The following AXDND1 variants were observed in gnomAD, a reference collection of about 807,000 sequenced individuals.
AXDND1 encodes axonemal dynein light chain domain containing 1.
AXDND1 carries 110 observed loss-of-function variants against 137.5 expected under a neutral mutation model. The ratio of observed to expected loss-of-function variants is 0.80; its 90% confidence interval spans 0.69 to 0.94. The LOEUF (loss-of-function observed/expected upper bound fraction) is 0.94, where lower values mean the gene tolerates loss of function less well. Among genes scored for constraint, AXDND1 ranks in the 40% least tolerant of loss-of-function variants. AXDND1 has a pLI of 0.00. For missense variants in AXDND1, 1,191 were observed against 1,169.8 expected (o/e 1.02, Z -0.26); for synonymous variants, 414 against 399.7 (o/e 1.04, Z -0.43).
At chr1:179,386,601 T>C (rs939354217) in intron 9 of AXDND1, among the ~76,000 whole-genome samples, 17 of 152,230 alleles carry the variant, frequency 1.1e-4, no homozygotes, top group Admixed American at 5.9e-4. Flanking sequence ...ACTAATGTTA[T>C]ACACATTTTT....
chr1:179,435,555 T>A (rs1658023737), intron 15 of AXDND1, among the ~76,000 whole-genome samples: 1 of 152,136 alleles, frequency 6.6e-6, no homozygotes, highest in South Asian at 2.1e-4. Context: ...TCTACAACCA[T>A]CTGATATTTG....
At chr1:179,526,278 G>A (rs951590161) in intron 22 of AXDND1, among the ~76,000 whole-genome samples, 10 of 151,838 alleles carry the variant, frequency 6.6e-5, no homozygotes, top group African/African-American at 2.2e-4. Context: ...ATAATAATAC[G>A]ATGATTACCA....
chr1:179,403,491 G>A (rs1209122518), intron 11 of AXDND1, among the ~76,000 whole-genome samples: 2 of 152,340 alleles, frequency 1.3e-5, no homozygotes, highest in Non-Finnish European at 1.5e-5. Context: ...TGGAAATTAC[G>A]TGAAAACTGG....
At chr1:179,535,119 C>A in intron 25 of AXDND1, 157 bp downstream of exon 25, 1 of 1,098,030 alleles carries the variant, frequency 9.1e-7, no homozygotes, top group Non-Finnish European at 1.3e-6. Flanking sequence ...ACATAACCAT[C>A]TTATTCGGAC....
At chr1:179,437,392 A>G (rs978436671) in intron 15 of AXDND1, among the ~76,000 whole-genome samples, 7 of 152,200 alleles carry the variant, frequency 4.6e-5, no homozygotes, top group East Asian at 1.9e-4. Context: ...TAGATTTCTC[A>G]GTAGGTAACT....
intron 12 of AXDND1, among the ~76,000 whole-genome samples, chr1:179,417,099 A>G (rs1344569445): frequency 1.3e-5 from 2 of 150,556 alleles, no homozygotes; most frequent in Non-Finnish European, 3.0e-5. Context: ...GATGTTGAGC[A>G]TTTTTTCACA....
chr1:179,395,317 T>G (rs936170012), intron 11 of AXDND1, 115 bp downstream of exon 11: 2 of 736,552 alleles, frequency 2.7e-6, no homozygotes, highest in Non-Finnish European at 4.3e-6. Context: ...CACATATAGA[T>G]AGCTTACTTT....
chr1:179,492,705 G>A, intron 19 of AXDND1, 150 bp from the exon 20 acceptor site: 2 of 531,946 alleles, frequency 3.8e-6, no homozygotes, highest in South Asian at 5.5e-5. Flanking sequence ...TATTCTCCTT[G>A]GTGAGTCAGT....
chr1:179,492,428 C>G (rs1253573113), intron 19 of AXDND1, among the ~76,000 whole-genome samples: 4 of 121,002 alleles, frequency 3.3e-5, no homozygotes, highest in African/African-American at 1.2e-4. Flanking sequence ...CTTCTTTTTA[C>G]AAAATGGAAG....
intron 16 of AXDND1, among the ~76,000 whole-genome samples, chr1:179,466,421 G>C (rs1049178520): frequency 6.6e-6 from 1 of 150,942 alleles, no homozygotes; most frequent in Non-Finnish European, 1.5e-5. Context: ...CACTGCGCTG[G>C]GCCTTAATGG....
At position 179,525,342 on chromosome 1, in the gene AXDND1, A is replaced by T. The variant is rs771647989; in HGVS notation, c.2505A>T (p.Val835=). The T allele has an allele frequency of 6.2e-7, 1 of 1,610,768 alleles. No homozygotes were observed. The highest frequency in any genetic ancestry group is 2.2e-5 in the East Asian group (1 of 44,764). Residue 835 remains valine, a synonymous_variant, in exon 22 of 26, where the codon GTA becomes GTT. Transcript: ENST00000367618. ...ATTGGTTCATCTCACAGGAGGCTGT[A>T]AAAGAATTCATTGAGCCTGAAATAG... ...EIERLLEEEA[V]KEFIEPEIDE...
At chr1:179,476,706 T>C (rs1196596212) in intron 17 of AXDND1, among the ~76,000 whole-genome samples, 1 of 152,196 alleles carries the variant, frequency 6.6e-6, no homozygotes, top group Non-Finnish European at 1.5e-5. Context: ...TTGTTTATTT[T>C]GAGAAGTCAG....
chr1:179,488,224 A>G (rs1666309061), intron 18 of AXDND1, among the ~76,000 whole-genome samples: 1 of 148,090 alleles, frequency 6.8e-6, no homozygotes, highest in Non-Finnish European at 1.5e-5. Flanking sequence ...ACATACTTCC[A>G]GATTTTATAT....
chr1:179,402,167 A>AG (rs1312815396), intron 11 of AXDND1, among the ~76,000 whole-genome samples: 1 of 92,066 alleles, frequency 1.1e-5, no homozygotes, highest in Admixed American at 1.0e-4. Context: ...TCCGTCTCAA[A>AG]AAAAAAAAAA....
chr1:179,403,899 T>G (rs1490568432), intron 11 of AXDND1, among the ~76,000 whole-genome samples: 1 of 152,092 alleles, frequency 6.6e-6, no homozygotes, highest in East Asian at 1.9e-4. Flanking sequence ...TAAGTGGATA[T>G]TTGAGCTCAC....
Position 179,394,055 on chromosome 1 carries a change from G to A in AXDND1, c.1004+12G>A. 8.8e-6 allele frequency: 14 copies of A among 1,583,750 alleles called. No individual in the cohort carries two copies. Among genetic ancestry groups the A allele is most frequent in the Non-Finnish European group, 1.2e-5 (14 of 1,168,058 alleles). ...GAAGAACTGACCAGGTAAAAACTGT[G>A]ATTATCTTAAACACAAAACAAAAGT... On this transcript the variant is annotated intron_variant, in intron 10 of 25. Coordinates refer to ENST00000367618, the MANE Select transcript of AXDND1 (RefSeq NM_144696.6).
In AXDND1 at chr1:179,379,422, T is replaced by C. The variant is rs1003586275; in HGVS notation, c.521T>C (p.Ile174Thr). ...CCAAAGACACTAACAGATACTTTGATTCCTGAAGAATTTCATATTGTGTCA... is the reference window on the plus strand; with the variant it reads ...CCAAAGACACTAACAGATACTTTGACTCCTGAAGAATTTCATATTGTGTCA... ...HKPKTLTDTL[I>T]PEEFHIVSST... Residue 174 changes from isoleucine (I) to threonine (T), a missense_variant, in exon 6 of 26, where the codon ATT becomes ACT. Coordinates refer to ENST00000367618, the MANE Select transcript of AXDND1 (RefSeq NM_144696.6). 6.2e-7 allele frequency: 1 copy of C among 1,613,820 alleles called. No homozygotes were observed. The highest frequency in any genetic ancestry group is 1.3e-5 in the African/African-American group (1 of 75,050).
chr1:179,370,001 T>C lies in AXDND1; in HGVS notation c.297T>C (p.His99=), dbSNP rs1667880711. The change falls in exon 4 of 26, where the codon CAT becomes CAC. Residue 99 remains histidine, a synonymous_variant. Coordinates refer to ENST00000367618, the MANE Select transcript of AXDND1 (RefSeq NM_144696.6). ...PKGTLPRLVD[H]VWHHPVRRNK... ...GCACTCTTCCACGCCTTGTAGACCATGTCTGGCATCACCCTGTTCGAAGGA... is the reference window on the plus strand; with the variant it reads ...GCACTCTTCCACGCCTTGTAGACCACGTCTGGCATCACCCTGTTCGAAGGA... The C allele has an allele frequency of 1.2e-6, 2 of 1,614,038 alleles. No homozygotes were observed. Among genetic ancestry groups the C allele is most frequent in the Non-Finnish European group, 1.7e-6 (2 of 1,179,962 alleles).
At chr1:179,495,777 T>A (rs1372947463) in intron 20 of AXDND1, among the ~76,000 whole-genome samples, 1 of 151,916 alleles carries the variant, frequency 6.6e-6, no homozygotes, top group Non-Finnish European at 1.5e-5. Flanking sequence ...CCTTGGTCCA[T>A]CTTAGGGAAA....
Sources: allele counts gnomAD v4.1 joint callset (sites outside exome capture counted in the v4.1 genomes callset), GRCh38; gene constraint gnomAD v4.1.1; transcripts MANE v1.5; gene names NCBI Gene and HGNC (gene_info 2026-07-23, HGNC 2026-07-21).